The following TCF20 variants were observed in gnomAD, a reference collection of about 807,000 sequenced individuals.
TCF20 encodes the protein SPRE-binding protein.
TCF20 carries 3 observed loss-of-function variants against 148.6 expected under a neutral mutation model. The observed-to-expected ratio is 0.02, with a 90% CI of 0.01 to 0.05. The LOEUF is 0.05. Among genes scored for constraint, TCF20 ranks in the 10% least tolerant of loss-of-function variants. The probability of loss-of-function intolerance (pLI) is 1.00; values close to 1 mark genes in which losing one functional copy is unlikely to be tolerated. For synonymous variants in TCF20, 1,049 were observed against 909.5 expected (o/e 1.15, Z -2.76); for missense variants, 2,350 against 2,429.3 (o/e 0.97, Z 0.69).
intron 2 of TCF20, among the ~76,000 whole-genome samples, chr22:42,180,522 C>G (rs949052398): frequency 5.3e-5 from 8 of 152,184 alleles, no homozygotes; most frequent in Non-Finnish European, 1.0e-4. Flanking sequence ...TGTGACCCTA[C>G]TAAGGATGCT....
At chr22:42,269,391 A>C (rs1214484694) in intron 1 of TCF20, among the ~76,000 whole-genome samples, 1 of 152,168 alleles carries the variant, frequency 6.6e-6, no homozygotes, top group African/African-American at 2.4e-5. Flanking sequence ...AGCAGACCGT[A>C]TTGGTATCCG....
At chr22:42,176,969 G>A (rs1936489767) in intron 3 of TCF20, among the ~76,000 whole-genome samples, 1 of 152,122 alleles carries the variant, frequency 6.6e-6, no homozygotes, top group East Asian at 1.9e-4. Context: ...ACATTATATT[G>A]TATAGTTTCA....
At chr22:42,199,928 T>C (rs1937881543) in intron 2 of TCF20, among the ~76,000 whole-genome samples, 1 of 147,196 alleles carries the variant, frequency 6.8e-6, no homozygotes, top group Non-Finnish European at 1.5e-5. Context: ...TGATGATAGC[T>C]TAAATTTTTT....
intron 5 of TCF20, among the ~76,000 whole-genome samples, chr22:42,164,347 T>TG (rs940965362): frequency 1.3e-5 from 2 of 151,946 alleles, no homozygotes; most frequent in African/African-American, 4.8e-5. Flanking sequence ...CCCGAGTAGC[T>TG]GGGACTACAG....
At chr22:42,254,286 G>A (rs1009492935) in intron 1 of TCF20, among the ~76,000 whole-genome samples, 2 of 151,172 alleles carry the variant, frequency 1.3e-5, no homozygotes, top group East Asian at 3.9e-4. Flanking sequence ...TAGATCCCAG[G>A]ATGGTACTTC....
upstream of TCF20, among the ~76,000 whole-genome samples, chr22:42,271,594 T>C (rs1292675409): frequency 1.3e-5 from 2 of 152,174 alleles, no homozygotes; most frequent in Non-Finnish European, 2.9e-5. Flanking sequence ...CGTTGAGAAT[T>C]TGTGATCCTG....
chr22:42,260,613 T>C (rs1037310205), intron 1 of TCF20, among the ~76,000 whole-genome samples: 2 of 152,118 alleles, frequency 1.3e-5, no homozygotes, highest in South Asian at 4.2e-4. Flanking sequence ...GCCTCCCAAG[T>C]AGCCGAGACC....
At chr22:42,162,850 T>C (rs1185270011) in intron 5 of TCF20, among the ~76,000 whole-genome samples, 4 of 152,176 alleles carry the variant, frequency 2.6e-5, no homozygotes, top group Admixed American at 2.0e-4. Flanking sequence ...TACATGCACA[T>C]GCTCTTGCCC....
intron 1 of TCF20, among the ~76,000 whole-genome samples, chr22:42,333,187 G>C (rs1165378307): frequency 4.6e-5 from 7 of 152,284 alleles, no homozygotes; most frequent in Non-Finnish European, 1.0e-4. Flanking sequence ...GGTGCACCCA[G>C]TCTGTGTGCA....
In TCF20 at chr22:42,199,706, C is replaced by CAAAAAAA. The variant is rs59845847; in HGVS notation, c.5655+9938_5655+9944dup. Among the ~76,000 whole-genome samples the CAAAAAAA allele has an allele frequency of 8.0e-4, 27 of 33,858 alleles. 1 individual carries two copies. The highest frequency in any genetic ancestry group is 1.0e-3 in the Non-Finnish European group (18 of 17,444). The allele number at this position is 33,858 out of a possible 152,430, so 22.2% of individuals were successfully genotyped here. A position where few individuals can be genotyped will look rare whatever the true frequency, so the allele number is the denominator to read the frequency against. On this transcript the variant is annotated intron_variant, in intron 2 of 5. Coordinates refer to ENST00000677622, the MANE Select transcript of TCF20 (RefSeq NM_001378418.1). ...CTAACATGGCAAAACCCCATCTCTA[C>CAAAAAAA]AAAAAAAAAAAAAAAAAAAAAAAAA...
At chr22:42,198,416 G>A (rs1473989253) in intron 2 of TCF20, among the ~76,000 whole-genome samples, 1 of 152,160 alleles carries the variant, frequency 6.6e-6, no homozygotes, top group Non-Finnish European at 1.5e-5. Context: ...GGCATCCATG[G>A]AGGACTGGTT....
intron 1 of TCF20, among the ~76,000 whole-genome samples, chr22:42,309,078 G>A (rs1278689861): frequency 6.6e-6 from 1 of 152,124 alleles, no homozygotes; most frequent in African/African-American, 2.4e-5. Context: ...AGAGAAGCAT[G>A]GCCGGCCGGC....
rs921047306 is a variant in TCF20 at position 42,297,359 on chromosome 22, C to T, written c.-37+46120G>A. On this transcript the variant is annotated intron_variant, in intron 1 of 1. Transcript: ENST00000515426. The surrounding 1 kb of genome is among the most constrained non-coding windows in gnomAD (Gnocchi z 4.3). ...TTAAGGGTTGGTCATATTCATGGAG[C>T]GGCAAGAATGAGGAGTGGGTCCTCA... 6.6e-6 allele frequency among the ~76,000 whole-genome samples: 1 copy of T among 152,222 alleles called. No homozygotes were observed. The highest frequency in any genetic ancestry group is 2.4e-5 in the African/African-American group (1 of 41,462).
At chr22:42,208,685 GATA>G (rs1207043896) in intron 2 of TCF20, among the ~76,000 whole-genome samples, 7 of 152,052 alleles carry the variant, frequency 4.6e-5, no homozygotes, top group Non-Finnish European at 1.0e-4. Context: ...AGAACAAAAA[GATA>G]ATGAGATAAA....
chr22:42,310,436 G>A (rs1156773651), intron 1 of TCF20, among the ~76,000 whole-genome samples: 1 of 138,532 alleles, frequency 7.2e-6, no homozygotes, highest in Non-Finnish European at 1.6e-5. Flanking sequence ...TCTCTGGGGG[G>A]TTGTGCGGGG....
chr22:42,292,782 C>T lies in TCF20; in HGVS notation c.-37+50697G>A, dbSNP rs1927155984. 6.6e-6 allele frequency among the ~76,000 whole-genome samples: 1 copy of T among 151,776 alleles called. No individual in the cohort carries two copies. The highest frequency in any genetic ancestry group is 2.4e-5 in the African/African-American group (1 of 41,280). On this transcript the variant is annotated intron_variant, in intron 1 of 1. Transcript: ENST00000515426. The surrounding 1 kb of genome is among the most constrained non-coding windows in gnomAD (Gnocchi z 4.9). ...GCTCCCAGCCAGCCCCTCTGCGCCTCCAGGGCCGGCCGAGCACTAGCCCAG... is the reference window on the plus strand; with the variant it reads ...GCTCCCAGCCAGCCCCTCTGCGCCTTCAGGGCCGGCCGAGCACTAGCCCAG...
At chr22:42,218,783 G>A (rs1458047137) in intron 1 of TCF20, among the ~76,000 whole-genome samples, 1 of 151,064 alleles carries the variant, frequency 6.6e-6, no homozygotes. Flanking sequence ...CTCCAGACAG[G>A]GAAAACAGAT....
In TCF20 at chr22:42,341,044, C is replaced by T. The variant is rs77626266; in HGVS notation, c.-37+2435G>A. Among the ~76,000 whole-genome samples, 733 of 152,278 alleles carry T rather than the reference C, an allele frequency of 4.8e-3. 4 individuals carry two copies. The highest frequency in any genetic ancestry group is 0.017 in the African/African-American group (704 of 41,582). On this transcript the variant is annotated intron_variant, in intron 1 of 1. Transcript: ENST00000515426. Reference sequence around the variant, plus strand: ...TCTGCTCCCAATTAGCACACAGGTCCTCCATCAAAGCGCGCGCCGGCTGCC... The same window carrying T: ...TCTGCTCCCAATTAGCACACAGGTCTTCCATCAAAGCGCGCGCCGGCTGCC...
At chr22:42,327,282 G>A (rs1177834734) in intron 1 of TCF20, among the ~76,000 whole-genome samples, 1 of 152,200 alleles carries the variant, frequency 6.6e-6, no homozygotes, top group South Asian at 2.1e-4. Context: ...CCCCAGGTGG[G>A]GAGAGGCCTC....
Sources: gnomAD v4.1 joint callset for allele counts (sites outside exome capture counted in the v4.1 genomes callset) on GRCh38, gnomAD v4.1.1 for gene constraint, Gnocchi (gnomAD v3.1) non-coding constraint, MANE v1.5 for transcripts, NCBI Gene and HGNC (gene_info 2026-07-23, HGNC 2026-07-21) for gene names.